Variants in EHMT2 observed in about 807,000 individuals in gnomAD.
EHMT2 encodes the protein histone-lysine N-methyltransferase EHMT2.
In EHMT2, 59 loss-of-function variants were observed where a neutral mutation model predicts 143.3. The observed-to-expected ratio is 0.41, with a 90% CI of 0.33 to 0.51. The LOEUF is 0.51. Ranked by LOEUF, EHMT2 falls within the 20% of genes least tolerant of loss-of-function variation. EHMT2 has a pLI of 0.18. For missense variants in EHMT2, 1,174 were observed against 1,645.9 expected, an observed-to-expected ratio of 0.71 and a Z score of 4.96; for synonymous variants, 604 against 651.5, an observed-to-expected ratio of 0.93 and a Z score of 1.11.
At chr6:31,895,342 T>C (rs533535219) in intron 4 of EHMT2, 2 of 152,250 alleles carry the variant, frequency 1.3e-5, no homozygotes, top group Non-Finnish European at 2.9e-5. Flanking sequence ...CTGCCTCTTC[T>C]TTTCCTTTGT....
exon 4 of EHMT2, chr6:31,896,503 C>T (rs1766464970): frequency 1.2e-6 from 2 of 1,612,726 alleles, no homozygotes; most frequent in Admixed American, 3.3e-5. Flanking sequence ...AGGGGAATGA[C>T]TTTGTGGCAT....
rs1764115802 is a variant in EHMT2, at chr6:31,881,589, C to CGTGTG, written c.3198-498_3198-497insCACAC. ...AGCAGACATGGGAGATTCAGACACACGGAGAGGACGTGGGTGGGAAGTGAC... is the reference window on the plus strand; with the variant it reads ...AGCAGACATGGGAGATTCAGACACACGTGTGGGAGAGGACGTGGGTGGGAAGTGAC... On this transcript the variant is annotated intron_variant, in intron 25 of 27. Transcript: ENST00000375537. The surrounding 1 kb of genome is among the most constrained non-coding windows in gnomAD (Gnocchi z 4.8). The CGTGTG allele has an allele frequency of 1.7e-4, 32 of 190,386 alleles. 1 individual carries two copies. The South Asian group carries it at 3.5e-3, about 21-fold the overall frequency. The allele number at this position is 190,386 out of a possible 1,614,324, so 11.8% of individuals were successfully genotyped here. A position where few individuals can be genotyped will look rare whatever the true frequency, so the allele number is the denominator to read the frequency against.
intron 6 of EHMT2, 45 bp downstream of exon 6, chr6:31,892,649 T>G: frequency 6.2e-7 from 1 of 1,612,958 alleles, no homozygotes; most frequent in Non-Finnish European, 8.5e-7. Flanking sequence ...TGACCCTCCC[T>G]CAGAGCAGCC....
rs747277461 is a variant in EHMT2, at chr6:31,886,857, G to A, written c.2159C>T (p.Thr720Met). ...GTTCACCACGGCCTCCATCAGTGGC[G>A]TCCGCTGCTGTTTGTCCACTGCATT... The change falls in exon 17 of 28, where the codon ACG becomes ATG. Residue 720 changes from threonine (T) to methionine (M), a missense_variant. Transcript: ENST00000375537. 25 of 1,614,096 alleles carry A rather than the reference G, an allele frequency of 1.5e-5. No homozygotes were observed. The highest frequency in any genetic ancestry group is 1.1e-4 in the South Asian group (10 of 91,090).
At chr6:31,886,512 A>G (rs1764866159) in intron 18 of EHMT2, 69 bp downstream of exon 18, 1 of 1,466,094 alleles carries the variant, frequency 6.8e-7, no homozygotes, top group Admixed American at 1.9e-5. Context: ...GGCGGCCCAA[A>G]GCCTGAGGCC....
chr6:31,885,080 C>T (rs780626311), intron 18 of EHMT2, 64 bp from the exon 19 acceptor site: 74 of 1,535,822 alleles, frequency 4.8e-5, no homozygotes, highest in Non-Finnish European at 5.9e-5. Flanking sequence ...AGCAAATGGT[C>T]AAGATTGGCT....
In EHMT2 at chr6:31,891,840, T is replaced by C. The variant is rs375922350; in HGVS notation, c.864+567A>G. Among the ~76,000 whole-genome samples, 101 of 152,276 alleles carry C rather than the reference T, an allele frequency of 6.6e-4. 1 individual carries two copies. In the East Asian group the frequency reaches 0.01, roughly 15 times the overall value. ...TTGTTTTCTTTTTTTAAACAGTACA[T>C]GTCTGTTAAATGGTCATTTCATTAG... On this transcript the variant is annotated intron_variant, in intron 7 of 27. Transcript: ENST00000375537.
Position 31,885,179 on chromosome 6 carries a change from A to C in EHMT2, c.2344-163T>G, listed in dbSNP as rs951119970. 11 of 994,304 alleles carry C rather than the reference A, an allele frequency of 1.1e-5. No individual in the cohort carries two copies. The African/African-American group carries it at 1.8e-4, about 16-fold the overall frequency. The allele number at this position is 994,304 out of a possible 1,614,324, so 61.6% of individuals were successfully genotyped here. On this transcript the variant is annotated intron_variant, in intron 18 of 27. Coordinates refer to ENST00000375537, the Ensembl canonical transcript of EHMT2. ...CTCTGGGTCGCAGTTTCTTCATCTA[A>C]AAAATGGGACTAGTAGGGTCGGGCG...
chr6:31,897,299 C>T, intron 1 of EHMT2: 3 of 690,190 alleles, frequency 4.3e-6, no homozygotes, highest in Non-Finnish European at 6.1e-6. Flanking sequence ...CCCCTTTGTC[C>T]CCCAGGCCGC....
At chr6:31,892,865 T>C (rs753351776) in exon 5 of EHMT2, 35 of 1,598,894 alleles carry the variant, frequency 2.2e-5, no homozygotes, top group Non-Finnish European at 2.8e-5. Flanking sequence ...TCATCACTCA[T>C]GCGGAAATGC....
rs138541225 is a variant in EHMT2 at position 31,884,727 on chromosome 6, G to A, written c.2521C>T (p.Arg841Cys). The stretch of plus-strand genomic sequence containing the variant: ...TAGTTGACAGCATGGAGGTCACAGC[G>A]CGCATTCAGAAGGACTTCGGCGATG... The change falls in exon 20 of 28, where the codon CGC becomes TGC. Residue 841 changes from arginine (R) to cysteine (C), a missense_variant. By Grantham distance (180) the Arg-to-Cys change is radical. This residue lies in a region of EHMT2 where 608 missense variants were observed against 903.7 expected (regional missense o/e 0.67). Transcript: ENST00000375537. The surrounding 1 kb of genome is among the most constrained non-coding windows in gnomAD (Gnocchi z 7.3). 4.6e-5 allele frequency: 74 copies of A among 1,599,816 alleles called. 1 individual carries two copies. In the South Asian group the frequency reaches 5.8e-4, roughly 13 times the overall value.
At chr6:31,892,610 C>G in intron 6 of EHMT2, 48 bp from the exon 7 acceptor site, 2 of 1,612,710 alleles carry the variant, frequency 1.2e-6, no homozygotes, top group Non-Finnish European at 1.7e-6. Context: ...CTGCGCATTT[C>G]TACTGAGGAT....
Position 31,886,976 on chromosome 6 carries a change from G to A in EHMT2, c.2118+19C>T. 2 of 1,613,930 alleles carry A rather than the reference G, an allele frequency of 1.2e-6. No homozygotes were observed. Among genetic ancestry groups the A allele is most frequent in the Middle Eastern group, 3.3e-4 (2 of 6,060 alleles). On this transcript the variant is annotated intron_variant, in intron 16 of 27. Coordinates refer to ENST00000375537, the Ensembl canonical transcript of EHMT2. ...CTAAGGGCCTGGTGAATGAGGCATGGGGCCGGGCCCGTGCTGACCTGCAGC... is the reference window on the plus strand; with the variant it reads ...CTAAGGGCCTGGTGAATGAGGCATGAGGCCGGGCCCGTGCTGACCTGCAGC...
Position 31,888,247 on chromosome 6 carries a change from G to C in EHMT2, c.1539C>G (p.Phe513Leu). ...CCTTGTGGAAGCGGTGGGCCACACG[G>C]AAGTCAGGGTGGCACTCCAGGAAGG... The change falls in exon 13 of 28, where the codon TTC (phenylalanine) becomes TTG (leucine). Residue 513 changes from phenylalanine to leucine, a missense_variant. Coordinates refer to ENST00000375537, the Ensembl canonical transcript of EHMT2. This position sits in a 1 kb window ranked among gnomAD's most constrained non-coding sequence, Gnocchi z 7.4. The C allele has an allele frequency of 6.2e-7, 1 of 1,612,984 alleles. No individual in the cohort carries two copies.
chr6:31,892,635 C>A, intron 6 of EHMT2, 59 bp downstream of exon 6: 1 of 1,612,504 alleles, frequency 6.2e-7, no homozygotes, highest in Non-Finnish European at 8.5e-7. Flanking sequence ...TGCAGCCCCA[C>A]CTCTGACCCT....
intron 7 of EHMT2, among the ~76,000 whole-genome samples, chr6:31,891,802 G>A (rs1765720819): frequency 6.6e-6 from 1 of 152,008 alleles, no homozygotes; most frequent in South Asian, 2.1e-4. Flanking sequence ...GTGCTTTCTG[G>A]TCATTTCTTT....
rs772121480 is a variant in EHMT2, at chr6:31,881,086, G to A, written c.3204C>T (p.Val1068=). The A allele has an allele frequency of 2.4e-5, 38 of 1,612,762 alleles. No individual in the cohort carries two copies. Among genetic ancestry groups the A allele is most frequent in the Non-Finnish European group, 3.1e-5 (37 of 1,179,846 alleles). Residue 1068 remains valine, a synonymous_variant, in exon 26 of 28, where the codon GTC becomes GTT. Coordinates refer to ENST00000375537, the Ensembl canonical transcript of EHMT2. This position sits in a 1 kb window ranked among gnomAD's most constrained non-coding sequence, Gnocchi z 4.8. ...CCTCAGCATCAGAGATCAGCTCCCCGACATACCTGTGGGACAGGAATCCAT... is the reference window on the plus strand; with the variant it reads ...CCTCAGCATCAGAGATCAGCTCCCCAACATACCTGTGGGACAGGAATCCAT...
chr6:31,885,187 G>T, intron 18 of EHMT2, 171 bp from the exon 19 acceptor site: 2 of 909,002 alleles, frequency 2.2e-6, no homozygotes, highest in Non-Finnish European at 3.2e-6. Flanking sequence ...TAAAAAATGG[G>T]ACTAGTAGGG....
exon 3 of EHMT2, chr6:31,896,682 C>G (rs770515907): frequency 6.2e-7 from 1 of 1,610,042 alleles, no homozygotes. Context: ...GTGGTGTAGC[C>G]CCTACAGGGG....
Sources: gnomAD v4.1 joint callset for allele counts (sites outside exome capture counted in the v4.1 genomes callset) on GRCh38, gnomAD v4.1.1 for gene constraint, gnomAD v4.1.1 regional missense constraint, Gnocchi (gnomAD v3.1) non-coding constraint, MANE v1.5 for transcripts, NCBI Gene and HGNC (gene_info 2026-07-23, HGNC 2026-07-21) for gene names.